The following LEKR1 variants were observed in gnomAD, a reference collection of about 807,000 sequenced individuals.
LEKR1 encodes leucine, glutamate and lysine rich 1, also known as protein LEKR1.
LEKR1 carries 59 observed loss-of-function variants against 72.4 expected under a neutral mutation model. The observed-to-expected ratio is 0.82, with a 90% CI of 0.66 to 1.01. The LOEUF is 1.01. Among genes scored for constraint, LEKR1 ranks in the 50% least tolerant of loss-of-function variants. LEKR1 has a pLI of 0.00. For synonymous variants in LEKR1, 257 were observed against 263.2 expected (o/e 0.98, Z 0.23); for missense variants, 728 against 759.2 (o/e 0.96, Z 0.48).
intron 5 of LEKR1, among the ~76,000 whole-genome samples, chr3:156,935,774 T>C (rs1397643434): frequency 6.6e-6 from 1 of 152,204 alleles, no homozygotes; most frequent in Non-Finnish European, 1.5e-5. Context: ...ATATAGCCTT[T>C]TGTTGAAATA....
chr3:156,892,204 A>G (rs1359470417), intron 3 of LEKR1, among the ~76,000 whole-genome samples: 6 of 152,120 alleles, frequency 3.9e-5, no homozygotes, highest in Admixed American at 6.6e-5. Context: ...ATCATATGGC[A>G]ATAGGTGTAA....
chr3:156,896,499 A>G (rs1721198866), intron 3 of LEKR1, among the ~76,000 whole-genome samples: 1 of 152,244 alleles, frequency 6.6e-6, no homozygotes. Flanking sequence ...TCAACACCAC[A>G]ATGAGATACC....
chr3:156,964,514 A>T (rs1162236579), intron 6 of LEKR1, among the ~76,000 whole-genome samples: 1 of 152,096 alleles, frequency 6.6e-6, no homozygotes, highest in African/African-American at 2.4e-5. Flanking sequence ...GTTGCTTTTT[A>T]CTTTTATATT....
chr3:156,917,498 CA>C (rs144404448), intron 3 of LEKR1, among the ~76,000 whole-genome samples: 4,826 of 151,812 alleles, frequency 0.032, 117 homozygotes, highest in Non-Finnish European at 0.047. Flanking sequence ...GCTTCTGAAG[CA>C]GGGGGAAGGG....
At chr3:156,979,512 T>G (rs1304804096) in intron 7 of LEKR1, 1 of 207,932 alleles carries the variant, frequency 4.8e-6, no homozygotes, top group Non-Finnish European at 1.0e-5. Context: ...GAGGATTTCT[T>G]TCTCTCAATA....
At chr3:156,894,328 C>T (rs1023105074) in intron 3 of LEKR1, among the ~76,000 whole-genome samples, 5 of 152,106 alleles carry the variant, frequency 3.3e-5, no homozygotes, top group African/African-American at 1.2e-4. Flanking sequence ...AAAATTAATA[C>T]TAAAAAATAA....
chr3:156,861,243 A>G (rs1716729714), intron 3 of LEKR1, among the ~76,000 whole-genome samples: 1 of 152,156 alleles, frequency 6.6e-6, no homozygotes, highest in Admixed American at 6.6e-5. Context: ...AAATACATCA[A>G]CAACTCCCTT....
rs369928738 is a variant in LEKR1, at chr3:157,045,544, C to T, written c.1873C>T (p.Leu625=). The change falls in exon 13 of 13, where the codon CTG becomes TTG. Residue 625 remains leucine (L), a synonymous_variant. Transcript: ENST00000356539. The part of the protein sequence containing the change: ...SNHGERSLAR[L]NSEKGIQIPN... ...TCATGGAGAGAGAAGCCTTGCAAGA[C>T]TGAACTCTGAAAAAGGAATCCAAAT... 1.1e-5 allele frequency: 18 copies of T among 1,614,024 alleles called. No homozygotes were observed. The African/African-American group carries it at 2.0e-4, about 18-fold the overall frequency.
At chr3:157,020,888 C>T (rs947361406) in intron 10 of LEKR1, among the ~76,000 whole-genome samples, 58 of 151,332 alleles carry the variant, frequency 3.8e-4, no homozygotes, top group Non-Finnish European at 6.2e-4. Flanking sequence ...AGTTTACAGT[C>T]CCACCAACAG....
intron 1 of LEKR1, among the ~76,000 whole-genome samples, chr3:156,828,469 T>TAACTTATGGTCCTCAG (rs6148152): frequency 0.052 from 7,938 of 152,108 alleles, 290 homozygotes; most frequent in South Asian, 0.12. Context: ...CTCTTGTCTA[T>TAACTTATGGTCCTCAG]GCCTTCTTCC....
intron 5 of LEKR1, among the ~76,000 whole-genome samples, chr3:156,927,920 T>C (rs887366050): frequency 5.9e-5 from 9 of 151,960 alleles, no homozygotes; most frequent in Admixed American, 3.3e-4. Context: ...AGCCTTCTTA[T>C]AGATAACAAC....
At chr3:157,006,284 C>T (rs1404926310) in intron 9 of LEKR1, among the ~76,000 whole-genome samples, 32 of 152,092 alleles carry the variant, frequency 2.1e-4, no homozygotes, top group Admixed American at 2.1e-3. Context: ...GGATTACAGG[C>T]GTGAGCCACC....
rs1465164532 is a variant in LEKR1 at position 157,028,193 on chromosome 3, A to C, written c.1459A>C (p.Thr487Pro). ...EKLHKSHIRY[T>P]EESNSKEKEI... ...ACTTCACAAATCCCATATTCGGTAC[A>C]CTGAAGAATCTAATTCAAAGGAAAA... Residue 487 changes from threonine to proline, a missense_variant, in exon 12 of 13, where the codon ACT becomes CCT. Coordinates refer to ENST00000356539, the MANE Select transcript of LEKR1 (RefSeq NM_001004316.3). The C allele has an allele frequency of 1.2e-6, 2 of 1,612,020 alleles. No individual in the cohort carries two copies. Among genetic ancestry groups the C allele is most frequent in the Non-Finnish European group, 1.7e-6 (2 of 1,178,322 alleles).
At chr3:157,036,684 T>G (rs983654231) in intron 12 of LEKR1, among the ~76,000 whole-genome samples, 2 of 151,950 alleles carry the variant, frequency 1.3e-5, no homozygotes, top group Admixed American at 1.3e-4. Context: ...AGGATAATGG[T>G]GGGAAGAAAT....
In LEKR1 at chr3:157,045,458, C is replaced by A; in HGVS notation, c.1787C>A (p.Pro596Gln). The A allele has an allele frequency of 6.2e-7, 1 of 1,614,096 alleles. No individual in the cohort carries two copies. The highest frequency in any genetic ancestry group is 1.1e-5 in the South Asian group (1 of 91,078). ...CTCAGTAAGCTTCGTGGAAGTTTACCATTCTCACCGTGTTCCCTCAGCAAG... is the reference window on the plus strand; with the variant it reads ...CTCAGTAAGCTTCGTGGAAGTTTACAATTCTCACCGTGTTCCCTCAGCAAG... Reference protein sequence around the residue: ...LELSKLRGSLPFSPCSLSKGS... With the variant: ...LELSKLRGSLQFSPCSLSKGS... Residue 596 changes from proline to glutamine, a missense_variant, in exon 13 of 13, where the codon CCA (proline) becomes CAA (glutamine). Transcript: ENST00000356539.
At chr3:156,974,823 A>G (rs1410089640) in intron 6 of LEKR1, among the ~76,000 whole-genome samples, 6 of 152,176 alleles carry the variant, frequency 3.9e-5, no homozygotes, top group Admixed American at 3.9e-4. Context: ...CCATAGTTGC[A>G]CTATAGATTG....
At chr3:156,911,778 T>C (rs1723132640) in intron 3 of LEKR1, among the ~76,000 whole-genome samples, 1 of 152,038 alleles carries the variant, frequency 6.6e-6, no homozygotes, top group Admixed American at 6.6e-5. Context: ...CCAATTGCTT[T>C]TTTTTGTCGA....
chr3:156,942,065 CACTCT>C (rs1726258871), intron 5 of LEKR1, among the ~76,000 whole-genome samples: 1 of 151,918 alleles, frequency 6.6e-6, no homozygotes, highest in Non-Finnish European at 1.5e-5. Flanking sequence ...TCCTTCTGTC[CACTCT>C]ACTCCTAAAA....
At chr3:156,947,418 A>T (rs1726782340) in intron 6 of LEKR1, among the ~76,000 whole-genome samples, 1 of 151,218 alleles carries the variant, frequency 6.6e-6, no homozygotes, top group African/African-American at 2.4e-5. Flanking sequence ...TAATATATAC[A>T]GATGCTCCTT....
Sources: gnomAD v4.1 joint callset for allele counts (sites outside exome capture counted in the v4.1 genomes callset) on GRCh38, gnomAD v4.1.1 for gene constraint, MANE v1.5 for transcripts, NCBI Gene and HGNC (gene_info 2026-07-23, HGNC 2026-07-21) for gene names.